The following NDE1 variants were observed in gnomAD, a reference collection of about 807,000 sequenced individuals.
The protein encoded by NDE1 is nuclear distribution protein nudE homolog 1.
A neutral mutation model predicts 43.4 loss-of-function variants in NDE1; 28 were observed. The ratio of observed to expected loss-of-function variants is 0.65; its 90% confidence interval spans 0.48 to 0.89. The LOEUF (loss-of-function observed/expected upper bound fraction) is 0.89, where lower values mean the gene tolerates loss of function less well. Ranked by LOEUF, NDE1 falls within the 40% of genes least tolerant of loss-of-function variation. The pLI is 0.00. For synonymous variants in NDE1, 184 were observed against 172.0 expected (o/e 1.07, Z -0.55); for missense variants, 441 against 434.1 (o/e 1.02, Z -0.14).
intron 3 of NDE1, among the ~76,000 whole-genome samples, chr16:15,670,660 A>G (rs959624399): frequency 2.8e-4 from 41 of 147,782 alleles, no homozygotes; most frequent in Non-Finnish European, 4.5e-4. Context: ...TCTGTCTCAA[A>G]AAAAAAAAAA....
chr16:15,661,570 C>T (rs372464821), intron 1 of NDE1, among the ~76,000 whole-genome samples: 5 of 151,866 alleles, frequency 3.3e-5, no homozygotes, highest in African/African-American at 9.7e-5. Context: ...CTCATCCTCT[C>T]GAGTAGCTGG....
chr16:15,710,641 A>AG (rs1463452401), intron 8 of NDE1, among the ~76,000 whole-genome samples: 1 of 150,972 alleles, frequency 6.6e-6, no homozygotes, highest in African/African-American at 2.4e-5. Context: ...CAGGAGAGGC[A>AG]GGGGGACTGG....
intron 6 of NDE1, among the ~76,000 whole-genome samples, chr16:15,693,705 C>T (rs2038868070): frequency 6.6e-6 from 1 of 152,054 alleles, no homozygotes; most frequent in Admixed American, 6.6e-5. Context: ...TTTTGGAGGC[C>T]AAGGCGGGCA....
intron 8 of NDE1, among the ~76,000 whole-genome samples, chr16:15,707,628 C>A (rs950034494): frequency 1.3e-5 from 2 of 152,168 alleles, no homozygotes; most frequent in Non-Finnish European, 2.9e-5. Context: ...TGAAGATGGA[C>A]ACAAATGAGG....
intron 8 of NDE1, chr16:15,717,407 A>G (rs2040220045): frequency 7.0e-6 from 11 of 1,566,488 alleles, no homozygotes; most frequent in East Asian, 4.5e-5. Flanking sequence ...GAGCGCACTG[A>G]GACCATGCCT....
intron 4 of NDE1, 191 bp from the exon 5 acceptor site, chr16:15,687,184 A>T (rs1255279786): frequency 6.6e-7 from 1 of 1,507,382 alleles, no homozygotes; most frequent in East Asian, 2.5e-5. Flanking sequence ...AGCTATGATG[A>T]GTCCCATTCT....
chr16:15,699,345 C>T (rs940861680), intron 8 of NDE1, among the ~76,000 whole-genome samples: 3 of 148,520 alleles, frequency 2.0e-5, no homozygotes, highest in Non-Finnish European at 4.5e-5. Context: ...CTGCAACCTC[C>T]GCCTCCTGGG....
chr16:15,691,661 G>C (rs2038762131), intron 6 of NDE1, among the ~76,000 whole-genome samples: 2 of 139,800 alleles, frequency 1.4e-5, no homozygotes, highest in East Asian at 4.1e-4. Context: ...TTTTTTTTGA[G>C]ACAGGATCTC....
intron 1 of NDE1, among the ~76,000 whole-genome samples, chr16:15,653,835 C>T (rs552559223): frequency 1.3e-5 from 2 of 152,016 alleles, no homozygotes; most frequent in East Asian, 1.9e-4. Flanking sequence ...TCAAGTGATC[C>T]TCCCACCTCA....
intron 5 of NDE1, among the ~76,000 whole-genome samples, chr16:15,687,815 TTC>T (rs2038517446): frequency 6.6e-6 from 1 of 152,238 alleles, no homozygotes; most frequent in African/African-American, 2.4e-5. Context: ...CAGAATTTAT[TTC>T]CAGAAAGATG....
Position 15,691,150 on chromosome 16 carries a change from G to A in NDE1, c.530G>A (p.Arg177Gln), listed in dbSNP as rs1232186532. The A allele has an allele frequency of 5.6e-6, 9 of 1,614,052 alleles. No individual in the cohort carries two copies. The highest frequency in any genetic ancestry group is 1.7e-5 in the Admixed American group (1 of 59,994). The change falls in exon 6 of 9, where the codon CGG becomes CAG. Residue 177 changes from arginine to glutamine, a missense_variant. Transcript: ENST00000396354. ...QRLKDEARDLRQELAVQQKQE... is the reference protein window; with the variant it reads ...QRLKDEARDLQQELAVQQKQE... ...AATCCTTTTTCTGGCACAGATTTGC[G>A]GCAGGAACTGGCCGTGCAGCAGAAG...
At chr16:15,723,224 T>C (rs1229930940) in intron 8 of NDE1, among the ~76,000 whole-genome samples, 6 of 152,172 alleles carry the variant, frequency 3.9e-5, no homozygotes, top group Non-Finnish European at 1.5e-5. Context: ...AGAAGCAAAA[T>C]TGTGTTTAAA....
chr16:15,707,248 G>A (rs2039507076), intron 8 of NDE1, among the ~76,000 whole-genome samples: 1 of 152,138 alleles, frequency 6.6e-6, no homozygotes, highest in Non-Finnish European at 1.5e-5. Flanking sequence ...TGTTGGCCAG[G>A]CTGGTCCTGA....
chr16:15,721,208 C>T, intron 8 of NDE1: 3 of 973,604 alleles, frequency 3.1e-6, no homozygotes, highest in Non-Finnish European at 4.7e-6. Flanking sequence ...AGAGTTCAGA[C>T]CCCAGCCTTA....
intron 3 of NDE1, among the ~76,000 whole-genome samples, chr16:15,676,437 T>C (rs988428807): frequency 7.2e-5 from 11 of 152,100 alleles, no homozygotes; most frequent in African/African-American, 2.4e-4. Flanking sequence ...GTCTCAAACT[T>C]CTGACCTCAG....
At chr16:15,708,905 T>C (rs2039621007) in intron 8 of NDE1, 1 of 1,455,854 alleles carries the variant, frequency 6.9e-7, no homozygotes, top group Non-Finnish European at 9.5e-7. Context: ...CGGTTAAGTA[T>C]ATTCTTAATT....
chr16:15,696,195 AAAAAATTTTTTGCATT>A (rs1331597507), intron 7 of NDE1, among the ~76,000 whole-genome samples: 2 of 141,308 alleles, frequency 1.4e-5, no homozygotes, highest in African/African-American at 2.6e-5. Context: ...TCGTAATTAA[AAAAAATTTTTTGCATT>A]AAAAATTTTT....
chr16:15,684,689 T>C (rs916026682), intron 4 of NDE1: 1 of 152,204 alleles, frequency 6.6e-6, no homozygotes, highest in Admixed American at 6.5e-5. Context: ...GAGTTTGTGT[T>C]AGGGTACAGT....
In NDE1 at chr16:15,697,012, A is replaced by G. The variant is rs1268672010; in HGVS notation, c.947+152A>G. On this transcript the variant is annotated intron_variant, in intron 8 of 8. Transcript: ENST00000396354. ...CTCTCCTCTGCTCCCTGCAGGCAGC[A>G]TTAGGTGGTGTCTTGTGGCTTGAAC... is the stretch of plus-strand genomic sequence containing the variant. 7.8e-6 allele frequency: 12 copies of G among 1,532,148 alleles called. No homozygotes were observed. The East Asian group carries it at 2.4e-4, about 31-fold the overall frequency. The allele number at this position is 1,532,148 out of a possible 1,614,324, so 94.9% of individuals were successfully genotyped here. A position where few individuals can be genotyped will look rare whatever the true frequency, so the allele number is the denominator to read the frequency against.
Sources: gnomAD v4.1 joint callset for allele counts (sites outside exome capture counted in the v4.1 genomes callset) on GRCh38, gnomAD v4.1.1 for gene constraint, MANE v1.5 for transcripts, NCBI Gene and HGNC (gene_info 2026-07-23, HGNC 2026-07-21) for gene names.